FHOD3: variants seen among roughly 807,000 people sequenced by gnomAD.
The protein encoded by FHOD3 is FH1/FH2 domain-containing protein 3.
FHOD3 carries 90 observed loss-of-function variants against 173.0 expected under a neutral mutation model. The ratio of observed to expected loss-of-function variants is 0.52; its 90% confidence interval spans 0.44 to 0.62. The LOEUF (loss-of-function observed/expected upper bound fraction) is 0.62, where lower values mean the gene tolerates loss of function less well. FHOD3 is among the 20% of genes least tolerant of loss of function. The pLI, the probability that FHOD3 is intolerant of heterozygous loss-of-function variation, is 0.00. For synonymous variants in FHOD3, 828 were observed against 823.0 expected, an observed-to-expected ratio of 1.01 and a Z score of -0.10; for missense variants, 1,945 against 2,034.7, an observed-to-expected ratio of 0.96 and a Z score of 0.85.
intron 3 of FHOD3, among the ~76,000 whole-genome samples, chr18:36,393,919 T>C (rs970072920): frequency 1.3e-5 from 2 of 152,194 alleles, no homozygotes; most frequent in South Asian, 2.1e-4. Flanking sequence ...ACTACAGATA[T>C]ATTAGTCTTA....
chr18:36,592,041 A>G (rs1453827547), intron 6 of FHOD3, among the ~76,000 whole-genome samples: 2 of 152,224 alleles, frequency 1.3e-5, no homozygotes, highest in Non-Finnish European at 2.9e-5. Context: ...CAACATGGCA[A>G]AACACCTTTT....
In FHOD3 at chr18:36,429,883, C is replaced by T. The variant is rs546718238; in HGVS notation, c.337+57139C>T. Among the ~76,000 whole-genome samples the T allele has an allele frequency of 9.9e-5, 15 of 152,072 alleles. No homozygotes were observed. In the South Asian group the frequency reaches 1.9e-3, roughly 19 times the overall value. ...AGCAGGCCTGGTGAGAGCAGATCTG[C>T]GGGCAGGTCTGTGGGTGGACTTCTG... On this transcript the variant is annotated intron_variant, in intron 3 of 28. Transcript: ENST00000590592.
chr18:36,498,618 A>C (rs926669075), intron 3 of FHOD3, among the ~76,000 whole-genome samples: 22 of 152,236 alleles, frequency 1.4e-4, no homozygotes, highest in Admixed American at 4.6e-4. Context: ...AGAGATAATC[A>C]GAATAGCCCT....
chr18:36,371,695 C>A (rs1380125599), intron 2 of FHOD3, among the ~76,000 whole-genome samples: 5 of 152,194 alleles, frequency 3.3e-5, no homozygotes, highest in Non-Finnish European at 7.3e-5. Context: ...TTCATAATCA[C>A]AGTATTAGTA....
At chr18:36,779,399 C>A (rs371756553) in intron 28 of FHOD3, 49 bp from the exon 29 acceptor site, 1 of 1,576,296 alleles carries the variant, frequency 6.3e-7, no homozygotes, top group Non-Finnish European at 8.7e-7. Context: ...GCTGCTCATA[C>A]TTCCTTTTCT....
At chr18:36,596,180 A>G (rs1229282608) in intron 7 of FHOD3, among the ~76,000 whole-genome samples, 1 of 151,760 alleles carries the variant, frequency 6.6e-6, no homozygotes, top group Middle Eastern at 3.2e-3. Flanking sequence ...TTTGAGACGG[A>G]GTCTTGCTCC....
rs571574436 is a variant in FHOD3, at chr18:36,524,153, A to G, written c.511+11610A>G. 3.9e-5 allele frequency among the ~76,000 whole-genome samples: 6 copies of G among 152,096 alleles called. No individual in the cohort carries two copies. The East Asian group carries it at 9.7e-4, about 25-fold the overall frequency. On this transcript the variant is annotated intron_variant, in intron 5 of 28. Coordinates refer to ENST00000590592, the MANE Select transcript of FHOD3 (RefSeq NM_001281740.3). ...AAAAATTAGCAGGGTGAGGTAGTGCATGCCTATAATCCCAGTTTCTCAGGA... is the reference window on the plus strand; with the variant it reads ...AAAAATTAGCAGGGTGAGGTAGTGCGTGCCTATAATCCCAGTTTCTCAGGA...
chr18:36,677,504 A>G (rs895265183), intron 14 of FHOD3, among the ~76,000 whole-genome samples: 1 of 152,172 alleles, frequency 6.6e-6, no homozygotes, highest in African/African-American at 2.4e-5. Flanking sequence ...TAAACAGTCC[A>G]TCACTTCCCC....
intron 28 of FHOD3, chr18:36,778,118 T>C (rs1437748692): frequency 6.6e-6 from 1 of 152,232 alleles, no homozygotes; most frequent in Non-Finnish European, 1.5e-5. Flanking sequence ...GATTCTGCCA[T>C]GGACATAGGT....
intron 3 of FHOD3, among the ~76,000 whole-genome samples, chr18:36,418,758 A>G (rs993706641): frequency 6.6e-6 from 1 of 152,102 alleles, no homozygotes; most frequent in African/African-American, 2.4e-5. Flanking sequence ...TAATAAAAAT[A>G]CAAAAAATTA....
intron 3 of FHOD3, among the ~76,000 whole-genome samples, chr18:36,376,363 C>T (rs186392695): frequency 8.0e-4 from 122 of 152,236 alleles, no homozygotes; most frequent in Non-Finnish European, 1.3e-3. Context: ...AAAACCCTGG[C>T]GATTGATTCT....
intron 1 of FHOD3, among the ~76,000 whole-genome samples, chr18:36,344,768 A>AAACT (rs2045800904): frequency 6.6e-6 from 1 of 152,188 alleles, no homozygotes; most frequent in African/African-American, 2.4e-5. Context: ...TTAGATTAAA[A>AAACT]AACTATATTC....
chr18:36,320,197 T>G (rs988847571), intron 1 of FHOD3, among the ~76,000 whole-genome samples: 2 of 152,048 alleles, frequency 1.3e-5, no homozygotes, highest in Non-Finnish European at 2.9e-5. Context: ...ATCCAGGAGC[T>G]GGTTTTTGGA....
intron 3 of FHOD3, among the ~76,000 whole-genome samples, chr18:36,433,564 A>G (rs1360311303): frequency 2.6e-5 from 4 of 152,242 alleles, no homozygotes; most frequent in Non-Finnish European, 5.9e-5. Flanking sequence ...AAGGCTACTC[A>G]GTGTGATCTA....
intron 10 of FHOD3, among the ~76,000 whole-genome samples, chr18:36,630,302 T>G (rs980256482): frequency 3.9e-5 from 6 of 152,230 alleles, no homozygotes; most frequent in African/African-American, 1.4e-4. Context: ...ACAGATTCCT[T>G]AAATGAGATA....
intron 4 of FHOD3, among the ~76,000 whole-genome samples, chr18:36,505,024 C>T (rs1049248918): frequency 5.3e-5 from 8 of 152,272 alleles, no homozygotes; most frequent in Admixed American, 2.0e-4. Context: ...CCACACATGC[C>T]CAGATCCCTC....
chr18:36,364,632 A>G (rs577043117), intron 2 of FHOD3, among the ~76,000 whole-genome samples: 2 of 152,346 alleles, frequency 1.3e-5, no homozygotes, highest in African/African-American at 2.4e-5. Flanking sequence ...ACTTCCATCT[A>G]TAGTTCACTG....
intron 3 of FHOD3, among the ~76,000 whole-genome samples, chr18:36,439,905 C>T (rs989656726): frequency 7.2e-5 from 11 of 152,148 alleles, no homozygotes; most frequent in Non-Finnish European, 1.5e-5. Context: ...AGATGATGCC[C>T]TCCCCATCCC....
At chr18:36,497,047 A>G (rs2054782126) in intron 3 of FHOD3, among the ~76,000 whole-genome samples, 1 of 152,254 alleles carries the variant, frequency 6.6e-6, no homozygotes, top group Non-Finnish European at 1.5e-5. Flanking sequence ...ACATTTGTGA[A>G]TCTGCAAAGT....
Sources: allele counts gnomAD v4.1 joint callset (sites outside exome capture counted in the v4.1 genomes callset), GRCh38; gene constraint gnomAD v4.1.1; transcripts MANE v1.5; gene names NCBI Gene and HGNC (gene_info 2026-07-23, HGNC 2026-07-21).